MDGA2: variants seen among roughly 807,000 people sequenced by gnomAD.
MDGA2 encodes the protein MAM domain-containing glycosylphosphatidylinositol anchor protein 2.
A neutral mutation model predicts 117.8 loss-of-function variants in MDGA2; 40 were observed. The observed-to-expected ratio is 0.34, with a 90% confidence interval of 0.26 to 0.44. MDGA2 has a LOEUF of 0.44. MDGA2 is among the 20% of genes least tolerant of loss of function. The probability of loss-of-function intolerance (pLI) is 1.00; values close to 1 mark genes in which losing one functional copy is unlikely to be tolerated. For synonymous variants in MDGA2, 452 were observed against 439.0 expected (o/e 1.03, Z -0.37); for missense variants, 1,123 against 1,250.6 (o/e 0.90, Z 1.54).
intron 1 of MDGA2, among the ~76,000 whole-genome samples, chr14:47,488,442 G>A (rs1171053841): frequency 6.6e-6 from 1 of 152,004 alleles, no homozygotes. Flanking sequence ...TGTGCTTTGT[G>A]ACTGATTTAG....
intron 16 of MDGA2, among the ~76,000 whole-genome samples, chr14:46,845,146 G>C (rs896934818): frequency 6.6e-6 from 1 of 152,148 alleles, no homozygotes; most frequent in Non-Finnish European, 1.5e-5. Context: ...GCCTCCCAAA[G>C]TGCTGGGATT....
chr14:47,519,288 T>C (rs1440087379), intron 1 of MDGA2, among the ~76,000 whole-genome samples: 1 of 152,226 alleles, frequency 6.6e-6, no homozygotes, highest in Non-Finnish European at 1.5e-5. Context: ...TAATCTATTT[T>C]ATATTTCATG....
At chr14:47,050,288 A>T (rs1412778726) in intron 7 of MDGA2, among the ~76,000 whole-genome samples, 1 of 151,972 alleles carries the variant, frequency 6.6e-6, no homozygotes, top group Non-Finnish European at 1.5e-5. Context: ...ATAATCACAA[A>T]ATCTGCTTAA....
At chr14:47,221,601 T>C in intron 2 of MDGA2, among the ~76,000 whole-genome samples, 1 of 148,656 alleles carries the variant, frequency 6.7e-6, no homozygotes, top group African/African-American at 2.5e-5. Flanking sequence ...GACAGGAGAA[T>C]GGCGTGAACC....
chr14:47,472,620 T>C (rs1343958999), intron 1 of MDGA2, among the ~76,000 whole-genome samples: 1 of 152,102 alleles, frequency 6.6e-6, no homozygotes, highest in Non-Finnish European at 1.5e-5. Flanking sequence ...GGATTTAGTA[T>C]ATTAGCCAGC....
chr14:47,447,776 T>C (rs1457780814), intron 1 of MDGA2, among the ~76,000 whole-genome samples: 1 of 152,168 alleles, frequency 6.6e-6, no homozygotes, highest in African/African-American at 2.4e-5. Context: ...AGCTCTCTCA[T>C]AGATGAGGAC....
intron 2 of MDGA2, among the ~76,000 whole-genome samples, chr14:47,286,296 T>C (rs1566720499): frequency 6.6e-6 from 1 of 152,090 alleles, no homozygotes; most frequent in Non-Finnish European, 1.5e-5. Flanking sequence ...ATAGTCACCC[T>C]ATTGTGCTAC....
intron 9 of MDGA2, among the ~76,000 whole-genome samples, chr14:46,949,510 T>C (rs886581833): frequency 6.6e-6 from 1 of 152,014 alleles, no homozygotes; most frequent in Admixed American, 6.6e-5. Flanking sequence ...CCTCCCTTTC[T>C]CTTCTCCAAT....
intron 1 of MDGA2, among the ~76,000 whole-genome samples, chr14:47,544,556 TTG>T (rs1470409220): frequency 1.3e-5 from 2 of 152,192 alleles, no homozygotes; most frequent in African/African-American, 4.8e-5. Flanking sequence ...GTTTGTTTTT[TTG>T]TGTGTGTTTG....
At chr14:47,672,611 A>G (rs1898095322) in intron 1 of MDGA2, among the ~76,000 whole-genome samples, 1 of 152,154 alleles carries the variant, frequency 6.6e-6, no homozygotes, top group African/African-American at 2.4e-5. Flanking sequence ...CATCACACAC[A>G]CATACACTCA....
intron 1 of MDGA2, among the ~76,000 whole-genome samples, chr14:47,442,812 G>T (rs1476055593): frequency 6.6e-6 from 1 of 152,022 alleles, no homozygotes; most frequent in East Asian, 1.9e-4. Flanking sequence ...AATATTAAAA[G>T]GAAACTTCCA....
intron 2 of MDGA2, among the ~76,000 whole-genome samples, chr14:47,291,363 C>A (rs1043723009): frequency 5.3e-5 from 8 of 152,136 alleles, no homozygotes; most frequent in Admixed American, 1.3e-4. Context: ...ACACATCTTA[C>A]TATGGCATCC....
intron 1 of MDGA2, among the ~76,000 whole-genome samples, chr14:47,480,663 G>A (rs568892615): frequency 1.3e-5 from 2 of 149,172 alleles, no homozygotes; most frequent in South Asian, 4.3e-4. Flanking sequence ...TCTAATTATT[G>A]TTCACAGAAG....
chr14:47,280,001 AT>A (rs905658667), intron 2 of MDGA2, among the ~76,000 whole-genome samples: 149 of 144,926 alleles, frequency 1.0e-3, no homozygotes, highest in Middle Eastern at 3.5e-3. Flanking sequence ...CTAGTTTTTG[AT>A]TTTTTTTTTT....
rs537436090 is a variant in MDGA2, at chr14:46,964,588, T to A, written c.1820-6945A>T. ...AGCAAATACATTGAGGACAAAGGTA[T>A]CCGGGAGCCAGAACGTTTCAGTTAA... is the stretch of plus-strand genomic sequence containing the variant. On this transcript the variant is annotated intron_variant, in intron 8 of 16. Transcript: ENST00000399232. Among the ~76,000 whole-genome samples the A allele has an allele frequency of 3.3e-5, 5 of 152,270 alleles. No homozygotes were observed. The South Asian group carries it at 1.0e-3, about 32-fold the overall frequency.
intron 2 of MDGA2, among the ~76,000 whole-genome samples, chr14:47,252,251 T>C (rs1887472233): frequency 6.6e-6 from 1 of 152,088 alleles, no homozygotes; most frequent in Admixed American, 6.6e-5. Context: ...TACACAAACA[T>C]TGTTAACAAT....
chr14:47,465,554 A>G (rs1455150116), intron 1 of MDGA2, among the ~76,000 whole-genome samples: 3 of 152,332 alleles, frequency 2.0e-5, no homozygotes, highest in East Asian at 3.9e-4. Context: ...GAAGACATAC[A>G]TGTGGCCAAG....
chr14:47,520,580 C>A (rs995752775), intron 1 of MDGA2, among the ~76,000 whole-genome samples: 5 of 152,142 alleles, frequency 3.3e-5, no homozygotes, highest in Non-Finnish European at 7.4e-5. Context: ...TGACACATCA[C>A]AAGTAAGTGT....
At chr14:47,539,121 G>C (rs1018098427) in intron 1 of MDGA2, among the ~76,000 whole-genome samples, 1 of 152,168 alleles carries the variant, frequency 6.6e-6, no homozygotes, top group Admixed American at 6.5e-5. Context: ...CACAAATGGA[G>C]TCAGAGCATT....
Sources: gnomAD v4.1 joint callset for allele counts (sites outside exome capture counted in the v4.1 genomes callset) on GRCh38, gnomAD v4.1.1 for gene constraint, MANE v1.5 for transcripts, NCBI Gene and HGNC (gene_info 2026-07-23, HGNC 2026-07-21) for gene names.